The following CDH2 variants were observed in gnomAD, a reference collection of about 807,000 sequenced individuals.
CDH2 encodes the protein cadherin-2.
CDH2 carries 17 observed loss-of-function variants against 92.0 expected under a neutral mutation model. The ratio of observed to expected loss-of-function variants is 0.18; its 90% CI spans 0.13 to 0.28. CDH2 has a LOEUF of 0.28. CDH2 is among the 10% of genes least tolerant of loss of function. CDH2 has a pLI of 1.00. For missense variants in CDH2, 862 were observed against 1,133.1 expected (o/e 0.76, Z 3.44); for synonymous variants, 419 against 415.9 (o/e 1.01, Z -0.09).
At chr18:28,076,030 CCATCTT>C (rs2144178726) in intron 2 of CDH2, among the ~76,000 whole-genome samples, 1 of 152,288 alleles carries the variant, frequency 6.6e-6, no homozygotes, top group East Asian at 1.9e-4. Flanking sequence ...CCAGATCACA[CCATCTT>C]CTTTAGCAAT....
chr18:28,056,955 T>C (rs1490084124), intron 2 of CDH2, among the ~76,000 whole-genome samples: 1 of 152,214 alleles, frequency 6.6e-6, no homozygotes, highest in Non-Finnish European at 1.5e-5. Context: ...ATGTTAGCCA[T>C]AATTTTGGTT....
intron 2 of CDH2, among the ~76,000 whole-genome samples, chr18:28,021,681 T>C (rs1246502128): frequency 6.6e-6 from 1 of 151,900 alleles, no homozygotes; most frequent in African/African-American, 2.4e-5. Context: ...CCTTATAAAA[T>C]ATTAACAAGA....
chr18:27,978,519 G>A (rs1466511369), intron 14 of CDH2, among the ~76,000 whole-genome samples: 1 of 151,360 alleles, frequency 6.6e-6, no homozygotes, highest in Non-Finnish European at 1.5e-5. Flanking sequence ...CCTGACCCAT[G>A]TCTTAACCAA....
chr18:27,961,332 A>G (rs1028586113), intron 15 of CDH2, among the ~76,000 whole-genome samples: 3 of 151,742 alleles, frequency 2.0e-5, no homozygotes, highest in African/African-American at 7.3e-5. Context: ...GATAACTCAC[A>G]TACTGAGTGG....
At chr18:28,111,756 A>C (rs1468954432) in intron 2 of CDH2, among the ~76,000 whole-genome samples, 2 of 152,194 alleles carry the variant, frequency 1.3e-5, no homozygotes, top group Admixed American at 6.5e-5. Flanking sequence ...CAGTATACTA[A>C]TATGCAACAG....
At chr18:28,024,549 T>C (rs1016095351) in intron 2 of CDH2, among the ~76,000 whole-genome samples, 15 of 151,054 alleles carry the variant, frequency 9.9e-5, no homozygotes, top group African/African-American at 3.6e-4. Flanking sequence ...AAATTAAACA[T>C]ACAGCAATCT....
chr18:27,951,939 G>A lies in CDH2; in HGVS notation c.*214C>T, dbSNP rs201612645. ...CATAAAATCCCAGTGCTTCTGTACT[G>A]TAAAATTCAAGTGTAACTGAGCTCA... On this transcript the variant is annotated 3_prime_UTR_variant, in exon 16 of 16. Coordinates refer to ENST00000269141, the MANE Select transcript of CDH2 (RefSeq NM_001792.5). 3.5e-6 allele frequency: 2 copies of A among 570,124 alleles called. No individual in the cohort carries two copies. Among genetic ancestry groups the A allele is most frequent in the Non-Finnish European group, 6.3e-6 (2 of 318,848 alleles). 35.3% of individuals were successfully genotyped at this position (570,124 alleles called of 1,614,324 possible).
chr18:28,102,935 A>C (rs2015250797), intron 2 of CDH2, among the ~76,000 whole-genome samples: 1 of 151,908 alleles, frequency 6.6e-6, no homozygotes, highest in African/African-American at 2.4e-5. Flanking sequence ...ATTAGGGGGT[A>C]AATTTGAAGT....
At chr18:27,934,793 AT>A (rs1329303742) in intron 6 of CDH2, among the ~76,000 whole-genome samples, 1 of 152,128 alleles carries the variant, frequency 6.6e-6, no homozygotes, top group Non-Finnish European at 1.5e-5. Flanking sequence ...GGAAGATTTT[AT>A]TTGGGCCCGG....
chr18:28,070,293 G>A (rs2014591252), intron 2 of CDH2, among the ~76,000 whole-genome samples: 1 of 152,124 alleles, frequency 6.6e-6, no homozygotes, highest in Non-Finnish European at 1.5e-5. Flanking sequence ...TTTATAATTT[G>A]TAAAGTGCTT....
At chr18:28,070,572 C>A (rs929090551) in intron 2 of CDH2, among the ~76,000 whole-genome samples, 9 of 152,190 alleles carry the variant, frequency 5.9e-5, no homozygotes, top group Non-Finnish European at 1.3e-4. Flanking sequence ...GAAGGGAATA[C>A]ATACAACTAG....
intron 2 of CDH2, among the ~76,000 whole-genome samples, chr18:28,090,260 T>C (rs929066076): frequency 6.6e-6 from 1 of 152,350 alleles, no homozygotes; most frequent in Non-Finnish European, 1.5e-5. Context: ...TTTAAATACA[T>C]GTCTATTACA....
At chr18:28,032,317 T>G (rs1264344124) in intron 2 of CDH2, among the ~76,000 whole-genome samples, 1 of 152,052 alleles carries the variant, frequency 6.6e-6, no homozygotes, top group Non-Finnish European at 1.5e-5. Context: ...ACAAAGAAAT[T>G]TGTGGGCTCA....
intron 14 of CDH2, among the ~76,000 whole-genome samples, chr18:27,971,997 G>A (rs11083241): frequency 0.5 from 76,584 of 151,940 alleles, 20,450 homozygotes; most frequent in Non-Finnish European, 0.6. Flanking sequence ...TCTGGTTCCC[G>A]AGACTGGCAG....
intron 2 of CDH2, among the ~76,000 whole-genome samples, chr18:28,083,666 T>C (rs575105002): frequency 6.6e-6 from 1 of 152,280 alleles, no homozygotes; most frequent in South Asian, 2.1e-4. Context: ...TATACCTTAC[T>C]TAAGTTTGAT....
At chr18:27,999,409 A>G (rs541095930) in intron 7 of CDH2, among the ~76,000 whole-genome samples, 2 of 152,282 alleles carry the variant, frequency 1.3e-5, no homozygotes, top group South Asian at 4.1e-4. Flanking sequence ...AGGAAGGAAG[A>G]TTGAAGACAA....
At chr18:28,016,355 T>C (rs2013245807) in intron 2 of CDH2, among the ~76,000 whole-genome samples, 1 of 152,118 alleles carries the variant, frequency 6.6e-6, no homozygotes, top group Non-Finnish European at 1.5e-5. Flanking sequence ...TCCACTAATA[T>C]CTTACAACTT....
intron 2 of CDH2, among the ~76,000 whole-genome samples, chr18:28,107,059 T>C (rs950568450): frequency 1.3e-5 from 2 of 152,064 alleles, no homozygotes; most frequent in African/African-American, 4.8e-5. Context: ...AGTTTGACAA[T>C]TAAAATCAGG....
downstream of CDH2, among the ~76,000 whole-genome samples, chr18:27,947,501 C>T (rs551646141): frequency 3.2e-4 from 48 of 151,116 alleles, no homozygotes; most frequent in Non-Finnish European, 5.6e-4. Context: ...AGAGAAAATG[C>T]GAAAAAAAGA....
Sources: gnomAD v4.1 joint callset for allele counts (sites outside exome capture counted in the v4.1 genomes callset) on GRCh38, gnomAD v4.1.1 for gene constraint, MANE v1.5 for transcripts, NCBI Gene and HGNC (gene_info 2026-07-23, HGNC 2026-07-21) for gene names.